Variants in LCORL observed in about 807,000 individuals in gnomAD.
LCORL encodes ligand-dependent nuclear receptor corepressor-like protein.
LCORL carries 41 observed loss-of-function variants against 141.8 expected under a neutral mutation model. The observed-to-expected ratio is 0.29, with a 90% CI of 0.23 to 0.38. The LOEUF is 0.38. Among genes scored for constraint, LCORL ranks in the 10% least tolerant of loss-of-function variants. The pLI is 1.00. For synonymous variants in LCORL, 618 were observed against 694.1 expected (o/e 0.89, Z 1.72); for missense variants, 1,759 against 2,035.0 (o/e 0.86, Z 2.61).
chr4:17,889,842 C>T (rs532169445), intron 5 of LCORL, among the ~76,000 whole-genome samples: 1 of 152,076 alleles, frequency 6.6e-6, no homozygotes, highest in African/African-American at 2.4e-5. Flanking sequence ...TTTGTGTGTA[C>T]ATCATTCCAA....
chr4:17,863,107 G>A (rs1725194809), intron 7 of LCORL, among the ~76,000 whole-genome samples: 1 of 152,192 alleles, frequency 6.6e-6, no homozygotes, highest in Non-Finnish European at 1.5e-5. Flanking sequence ...CCTGAGGTCA[G>A]GAGTTCGAGA....
chr4:17,876,071 C>T, exon 7 of LCORL: 1 of 1,230,810 alleles, frequency 8.1e-7, no homozygotes. Context: ...TATATTTGAC[C>T]CCTTCACTAC....
At chr4:17,852,663 C>G (rs1021099177) in intron 7 of LCORL, among the ~76,000 whole-genome samples, 2 of 152,130 alleles carry the variant, frequency 1.3e-5, no homozygotes, top group African/African-American at 4.8e-5. Flanking sequence ...GCATCTAAGC[C>G]TATTTTCAAT....
intron 7 of LCORL, among the ~76,000 whole-genome samples, chr4:17,851,415 G>C (rs1723693218): frequency 6.6e-6 from 1 of 152,060 alleles, no homozygotes; most frequent in Admixed American, 6.6e-5. Flanking sequence ...GAAATATGTA[G>C]GTATCTGTGT....
chr4:17,907,790 T>C (rs1033406407), intron 5 of LCORL, among the ~76,000 whole-genome samples: 5 of 152,174 alleles, frequency 3.3e-5, no homozygotes, highest in African/African-American at 1.2e-4. Flanking sequence ...CTCTTCTTCT[T>C]CCATTGTAGC....
chr4:18,006,910 A>G (rs1577716278), intron 1 of LCORL, among the ~76,000 whole-genome samples: 2 of 152,200 alleles, frequency 1.3e-5, no homozygotes, highest in African/African-American at 4.8e-5. Context: ...TGGTCCCATA[A>G]TCCAGTTAGG....
At chr4:17,880,131 G>A (rs16895948) in intron 6 of LCORL, among the ~76,000 whole-genome samples, 6,358 of 150,908 alleles carry the variant, frequency 0.042, 444 homozygotes, top group African/African-American at 0.15. Context: ...CCCATCTAAT[G>A]CTATAAGAAC....
intron 4 of LCORL, among the ~76,000 whole-genome samples, chr4:17,950,693 A>G (rs1370516477): frequency 6.6e-6 from 1 of 152,156 alleles, no homozygotes; most frequent in African/African-American, 2.4e-5. Context: ...AATGAAATGG[A>G]CAGTAGAAAT....
chr4:17,909,686 T>G (rs1732192253), intron 4 of LCORL, among the ~76,000 whole-genome samples: 1 of 152,148 alleles, frequency 6.6e-6, no homozygotes. Flanking sequence ...ATTAAAACAC[T>G]CAGTATGTGA....
intron 2 of LCORL, among the ~76,000 whole-genome samples, chr4:17,963,925 T>C (rs1265279505): frequency 6.6e-6 from 1 of 152,090 alleles, no homozygotes; most frequent in Non-Finnish European, 1.5e-5. Flanking sequence ...GGTCTATCAC[T>C]GCAATTTTCA....
At chr4:17,848,752 G>A (rs1723239573) in intron 7 of LCORL, among the ~76,000 whole-genome samples, 2 of 152,362 alleles carry the variant, frequency 1.3e-5, no homozygotes, top group African/African-American at 4.8e-5. Context: ...GAAGCGCAAG[G>A]GGTCAGGGAG....
intron 4 of LCORL, among the ~76,000 whole-genome samples, chr4:17,925,877 T>TAA (rs1735042340): frequency 2.9e-5 from 1 of 34,082 alleles, no homozygotes; most frequent in African/African-American, 1.8e-4. Flanking sequence ...AGATTCCATC[T>TAA]CAAAAAAAAA....
intron 4 of LCORL, among the ~76,000 whole-genome samples, chr4:17,948,477 A>C (rs1739232154): frequency 6.6e-6 from 1 of 152,084 alleles, no homozygotes; most frequent in Non-Finnish European, 1.5e-5. Flanking sequence ...AGAAGTCAAA[A>C]GGAATAACTA....
chr4:17,850,386 A>G (rs1338552830), intron 7 of LCORL, among the ~76,000 whole-genome samples: 1 of 150,590 alleles, frequency 6.6e-6, no homozygotes. Context: ...TACTCATCTG[A>G]CAAAGGGCTA....
chr4:17,974,335 T>C (rs1274957109), intron 1 of LCORL, among the ~76,000 whole-genome samples: 2 of 152,276 alleles, frequency 1.3e-5, no homozygotes, highest in East Asian at 3.9e-4. Context: ...TCTTCTACTA[T>C]CTATTCCACT....
intron 2 of LCORL, among the ~76,000 whole-genome samples, chr4:17,971,401 T>C (rs1392058638): frequency 6.6e-6 from 1 of 151,736 alleles, no homozygotes. Flanking sequence ...TATCTGCATA[T>C]ATCCGAATTA....
At chr4:17,986,332 G>C (rs1718972274) in intron 1 of LCORL, among the ~76,000 whole-genome samples, 1 of 152,164 alleles carries the variant, frequency 6.6e-6, no homozygotes, top group Non-Finnish European at 1.5e-5. Context: ...TTTCATGGGT[G>C]ATACCCTGAA....
intron 7 of LCORL, among the ~76,000 whole-genome samples, chr4:17,870,398 C>T (rs1726205907): frequency 6.6e-6 from 1 of 152,158 alleles, no homozygotes; most frequent in Non-Finnish European, 1.5e-5. Flanking sequence ...TCTACTACAT[C>T]AGCCTCCTTC....
chr4:17,922,748 G>A (rs956802939), intron 4 of LCORL, among the ~76,000 whole-genome samples: 1 of 152,082 alleles, frequency 6.6e-6, no homozygotes, highest in African/African-American at 2.4e-5. Context: ...AAAAGAATGG[G>A]GCCTTGCAAA....
Sources: allele counts gnomAD v4.1 joint callset (sites outside exome capture counted in the v4.1 genomes callset), GRCh38; gene constraint gnomAD v4.1.1; transcripts MANE v1.5; gene names NCBI Gene and HGNC (gene_info 2026-07-23, HGNC 2026-07-21).